Variants in ZNF638 observed in about 807,000 individuals in gnomAD.
ZNF638 encodes zinc finger protein 638.
A neutral mutation model predicts 195.6 loss-of-function variants in ZNF638; 46 were observed. That is an observed-to-expected ratio of 0.24 (90% CI 0.19 to 0.30). ZNF638 has a LOEUF of 0.30. ZNF638 is among the 10% of genes least tolerant of loss of function. ZNF638 has a pLI of 1.00. For missense variants in ZNF638, 2,440 were observed against 2,325.3 expected (o/e 1.05, Z -1.01); for synonymous variants, 845 against 772.0 (o/e 1.09, Z -1.57).
At chr2:71,395,499 A>G (rs2079874352) in intron 10 of ZNF638, 1 of 606,858 alleles carries the variant, frequency 1.6e-6, no homozygotes, top group Non-Finnish European at 3.0e-6. Context: ...TAAGGGCAAG[A>G]AGTAGGTAAC....
At chr2:71,385,536 A>C (rs1340075416) in intron 10 of ZNF638, among the ~76,000 whole-genome samples, 1 of 152,200 alleles carries the variant, frequency 6.6e-6, no homozygotes, top group Non-Finnish European at 1.5e-5. Context: ...AATGGGTTTT[A>C]GAAGAGATCA....
chr2:71,398,052 G>A (rs13423885), intron 11 of ZNF638, among the ~76,000 whole-genome samples: 137,073 of 152,206 alleles, frequency 0.9, 61,788 homozygotes, highest in East Asian at 0.99. Context: ...GATTGTTTTT[G>A]TGTCCTTGGA....
At chr2:71,422,766 T>G in intron 21 of ZNF638, 48 bp from the exon 22 acceptor site, 1 of 1,551,750 alleles carries the variant, frequency 6.4e-7, no homozygotes. Context: ...TTGATTTTTG[T>G]TTGTGTTTTT....
intron 10 of ZNF638, chr2:71,395,276 G>T: frequency 1.4e-6 from 1 of 717,208 alleles, no homozygotes. Context: ...AGCAGTAATC[G>T]CTACGCCTGA....
chr2:71,342,049 G>A (rs914243176), intron 1 of ZNF638, among the ~76,000 whole-genome samples: 5 of 151,686 alleles, frequency 3.3e-5, no homozygotes, highest in Admixed American at 2.0e-4. Context: ...AAGGTGGAAC[G>A]AAACAAAGAC....
chr2:71,370,453 C>T (rs1393490025), intron 8 of ZNF638, among the ~76,000 whole-genome samples: 1 of 152,160 alleles, frequency 6.6e-6, no homozygotes, highest in African/African-American at 2.4e-5. Flanking sequence ...GCCTTTACTT[C>T]CTTAGAAGTA....
chr2:71,431,315 G>A lies in ZNF638; in HGVS notation c.5651-12G>A, dbSNP rs767580595. 16 of 1,599,636 alleles carry A rather than the reference G, an allele frequency of 1.0e-5. No homozygotes were observed. The highest frequency in any genetic ancestry group is 3.3e-5 in the South Asian group (3 of 89,740). On this transcript the variant is annotated splice_polypyrimidine_tract_variant and intron_variant, in intron 25 of 27. Coordinates refer to ENST00000264447, the MANE Select transcript of ZNF638 (RefSeq NM_014497.5). ...CTATTCTGAATAGCTTTTTTTCCTCGAAAAATTTTAGTTGATGAGGAATCT... is the reference window on the plus strand; with the variant it reads ...CTATTCTGAATAGCTTTTTTTCCTCAAAAAATTTTAGTTGATGAGGAATCT...
intron 11 of ZNF638, among the ~76,000 whole-genome samples, chr2:71,397,930 G>A (rs2079928485): frequency 6.6e-6 from 1 of 152,166 alleles, no homozygotes; most frequent in African/African-American, 2.4e-5. Flanking sequence ...ATCTTTATAT[G>A]ACCTGACTAT....
At chr2:71,424,791 C>A in intron 23 of ZNF638, 76 bp downstream of exon 23, 2 of 1,229,060 alleles carry the variant, frequency 1.6e-6, no homozygotes, top group African/African-American at 1.5e-5. Context: ...TAACTTGTGC[C>A]TGCCTTAACA....
Position 71,428,772 on chromosome 2 carries a change from G to T in ZNF638, c.5650+121G>T, listed in dbSNP as rs1270173456. The T allele has an allele frequency of 5.6e-6, 4 of 710,266 alleles. No homozygotes were observed. The South Asian group carries it at 8.0e-5, about 14-fold the overall frequency. 44.0% of individuals were successfully genotyped at this position (710,266 alleles called of 1,614,324 possible). On this transcript the variant is annotated intron_variant, in intron 25 of 27. Coordinates refer to ENST00000264447, the MANE Select transcript of ZNF638 (RefSeq NM_014497.5). ...GTGGAATAGAGCAGGGGTGGGAAAA[G>T]TCAACTATAGTTATTAGATGTGGGT...
chr2:71,414,066 C>T (rs1051925366), intron 20 of ZNF638, among the ~76,000 whole-genome samples: 1 of 143,194 alleles, frequency 7.0e-6, no homozygotes, highest in South Asian at 2.3e-4. Flanking sequence ...CCAGTTCCTC[C>T]TTGTACCTCT....
intron 20 of ZNF638, among the ~76,000 whole-genome samples, chr2:71,417,615 G>T (rs1277062259): frequency 6.6e-6 from 1 of 151,180 alleles, no homozygotes; most frequent in Admixed American, 6.6e-5. Context: ...AAGTAAGTTG[G>T]CCAATATAGG....
intron 8 of ZNF638, among the ~76,000 whole-genome samples, chr2:71,371,041 A>G (rs974947208): frequency 2.0e-5 from 3 of 152,032 alleles, no homozygotes; most frequent in African/African-American, 7.2e-5. Flanking sequence ...GTTGTTTTAG[A>G]GCCCACAAAT....
At chr2:71,338,461 C>A (rs79389987) in intron 1 of ZNF638, among the ~76,000 whole-genome samples, 1,927 of 152,252 alleles carry the variant, frequency 0.013, 38 homozygotes, top group African/African-American at 0.041. Flanking sequence ...TTGTCTTTCA[C>A]AATGAAAGCC....
At chr2:71,408,275 T>C (rs376050205) in intron 20 of ZNF638, 28 bp downstream of exon 20, 93 of 1,602,536 alleles carry the variant, frequency 5.8e-5, no homozygotes, top group Admixed American at 8.7e-5. Flanking sequence ...TCAGCTTTTG[T>C]GATTTTAGAA....
At chr2:71,406,317 C>A in intron 19 of ZNF638, 55 bp downstream of exon 19, 2 of 1,510,334 alleles carry the variant, frequency 1.3e-6, no homozygotes, top group South Asian at 2.3e-5. Context: ...GTATAATAAC[C>A]CTGTATTCTG....
chr2:71,333,283 A>T (rs1281086469), intron 1 of ZNF638, among the ~76,000 whole-genome samples: 1 of 152,332 alleles, frequency 6.6e-6, no homozygotes, highest in Non-Finnish European at 1.5e-5. Flanking sequence ...CCAGCATGTT[A>T]TACATTAAAA....
chr2:71,391,622 A>G (rs1269257377), intron 10 of ZNF638, among the ~76,000 whole-genome samples: 2 of 152,236 alleles, frequency 1.3e-5, no homozygotes, highest in Admixed American at 6.5e-5. Flanking sequence ...TATCTTAGGT[A>G]CATACTAACT....
At chr2:71,388,878 C>T (rs2079707926) in intron 10 of ZNF638, among the ~76,000 whole-genome samples, 1 of 152,142 alleles carries the variant, frequency 6.6e-6, no homozygotes, top group South Asian at 2.1e-4. Flanking sequence ...TTCACAGGCT[C>T]AGTTAAGGGT....
Sources: gnomAD v4.1 joint callset for allele counts (sites outside exome capture counted in the v4.1 genomes callset) on GRCh38, gnomAD v4.1.1 for gene constraint, MANE v1.5 for transcripts, NCBI Gene and HGNC (gene_info 2026-07-23, HGNC 2026-07-21) for gene names.